RAB44: variants seen among roughly 807,000 people sequenced by gnomAD.
RAB44 encodes RAB44, member RAS oncogene family, also known as ras-related protein Rab-44.
Under a neutral mutation model 93.3 loss-of-function variants are expected in RAB44, and 67 were observed. The ratio of observed to expected loss-of-function variants is 0.72; its 90% confidence interval spans 0.59 to 0.88. RAB44 has a LOEUF of 0.88. Ranked by LOEUF, RAB44 falls within the 40% of genes least tolerant of loss-of-function variation. The probability of loss-of-function intolerance (pLI) is 0.00; values close to 1 mark genes in which losing one functional copy is unlikely to be tolerated. For synonymous variants in RAB44, 427 were observed against 520.3 expected (o/e 0.82, Z 2.44); for missense variants, 1,064 against 1,261.7 (o/e 0.84, Z 2.37).
Position 36,722,094 on chromosome 6 carries a change from G to A in RAB44, c.1960G>A (p.Gly654Ser). ...GLPEGLREAH[G>S]QVLGLGELSA... ...TCCTGAGGGGCTAAGAGAAGCTCAT[G>A]GCCAGGTCCTTGGGCTGGGTGAGCT... Residue 654 changes from glycine (G) to serine (S), a missense_variant, in exon 9 of 14, where the codon GGC (glycine) becomes AGC (serine). Physicochemically the swap from Gly to Ser is moderately conservative, Grantham distance 56. Transcript: ENST00000612677. 1 of 1,235,552 alleles carries A rather than the reference G, an allele frequency of 8.1e-7. No individual in the cohort carries two copies. The highest frequency in any genetic ancestry group is 1.0e-6 in the Non-Finnish European group (1 of 989,052). 76.5% of individuals were successfully genotyped at this position (1,235,552 alleles called of 1,614,324 possible).
intron 2 of RAB44, among the ~76,000 whole-genome samples, chr6:36,708,371 A>AT (rs1210288255): frequency 6.6e-6 from 1 of 152,164 alleles, no homozygotes; most frequent in Non-Finnish European, 1.5e-5. Flanking sequence ...TTCTGATTTG[A>AT]TTGCTCTTCC....
rs1307048590 is a variant in RAB44 at position 36,721,242 on chromosome 6, T to C, written c.1108T>C (p.Trp370Arg). The change falls in exon 9 of 14, where the codon TGG becomes CGG. Residue 370 changes from tryptophan to arginine, a missense_variant. Physicochemically the swap from Trp to Arg is moderately radical, Grantham distance 101 (BLOSUM62 -3). Coordinates refer to ENST00000612677, the MANE Select transcript of RAB44 (RefSeq NM_001257357.2). ...LPGLFGDNDD[W>R]DQLLSNFGSP... ...TGGGCTATTTGGGGACAACGATGAC[T>C]GGGACCAGCTACTGAGCAACTTTGG... 6.5e-6 allele frequency: 8 copies of C among 1,234,094 alleles called. No individual in the cohort carries two copies. Among genetic ancestry groups the C allele is most frequent in the African/African-American group, 1.6e-5 (1 of 64,396 alleles). The allele number at this position is 1,234,094 out of a possible 1,614,324, so 76.4% of individuals were successfully genotyped here. A position where few individuals can be genotyped will look rare whatever the true frequency, so the allele number is the denominator to read the frequency against.
chr6:36,727,516 G>A, intron 10 of RAB44, 61 bp from the exon 11 acceptor site: 1 of 1,160,556 alleles, frequency 8.6e-7, no homozygotes, highest in South Asian at 1.3e-5. Flanking sequence ...CTCCCACTTT[G>A]CAGAGGCCAG....
intron 2 of RAB44, among the ~76,000 whole-genome samples, chr6:36,712,704 AAAC>A (rs1762817158): frequency 6.6e-6 from 1 of 152,214 alleles, no homozygotes. Context: ...ATAGAAAAAC[AAAC>A]AACAACAGCA....
chr6:36,698,730 G>A (rs1193741893), intron 1 of RAB44, among the ~76,000 whole-genome samples: 4 of 152,052 alleles, frequency 2.6e-5, no homozygotes, highest in African/African-American at 4.8e-5. Context: ...CAGCTGACTC[G>A]GAGGGATGTG....
In RAB44 at chr6:36,718,126, C is replaced by T; in HGVS notation, c.732+8C>T. ...CAGCAGCTGCAGGCTGAGGTGGGCT[C>T]CCGCCGGCAGCCTGCCTCCTTCCCA... On this transcript the variant is annotated splice_region_variant and intron_variant, in intron 6 of 13. Coordinates refer to ENST00000612677, the MANE Select transcript of RAB44 (RefSeq NM_001257357.2). 8.1e-7 allele frequency: 1 copy of T among 1,231,450 alleles called. No individual in the cohort carries two copies. Among genetic ancestry groups the T allele is most frequent in the Non-Finnish European group, 1.0e-6 (1 of 987,336 alleles). The allele number at this position is 1,231,450 out of a possible 1,614,324, so 76.3% of individuals were successfully genotyped here.
rs139745480 is a variant in RAB44 at position 36,726,980 on chromosome 6, T to C, written c.2682-597T>C. 5.4e-3 allele frequency among the ~76,000 whole-genome samples: 811 copies of C among 151,032 alleles called. 9 individuals carry two copies. The highest frequency in any genetic ancestry group is 0.048 in the Middle Eastern group (14 of 294). On this transcript the variant is annotated intron_variant, in intron 10 of 13. Transcript: ENST00000612677. ...CACATCCAGCTAATTTTTGTATTTT[T>C]AGTAGACACAGGGTTTCACCATGTT...
At chr6:36,728,133 G>T (rs1763281182) in intron 11 of RAB44, among the ~76,000 whole-genome samples, 1 of 152,182 alleles carries the variant, frequency 6.6e-6, no homozygotes, top group Non-Finnish European at 1.5e-5. Context: ...CTCTCTGGAA[G>T]TTTCTAGTTT....
At chr6:36,723,836 C>CAAAAAAAA (rs565860026) in intron 9 of RAB44, among the ~76,000 whole-genome samples, 13 of 64,610 alleles carry the variant, frequency 2.0e-4, no homozygotes, top group South Asian at 7.3e-4. Flanking sequence ...TTCCGTCTCC[C>CAAAAAAAA]AAAAAAAAAA....
rs375989611 is a variant in RAB44 at position 36,728,915 on chromosome 6, T to TCCTGCC, written c.2898+123_2898+128dup. ...CAGCCGAGAAGAACCCGTGGCCCAT[T>TCCTGCC]CCTGCCCCTGCCCCAACCAAAGGCC... On this transcript the variant is annotated intron_variant, in intron 12 of 13. Coordinates refer to ENST00000612677, the MANE Select transcript of RAB44 (RefSeq NM_001257357.2). 3.9e-5 allele frequency: 32 copies of TCCTGCC among 829,612 alleles called. No individual in the cohort carries two copies. The African/African-American group carries it at 4.2e-4, about 11-fold the overall frequency. The allele number at this position is 829,612 out of a possible 1,614,324, so 51.4% of individuals were successfully genotyped here.
Position 36,728,732 on chromosome 6 carries a change from C to T in RAB44, c.2829C>T (p.Leu943=), listed in dbSNP as rs1763294423. Residue 943 remains leucine, a synonymous_variant, in exon 12 of 14, where the codon CTC becomes CTT. Transcript: ENST00000612677. The part of the protein sequence containing the change: ...DAGSDGVVIL[L]LGNKMDCEEE... ...GGTCGGATGGGGTGGTCATCCTTCT[C>T]CTGGGAAACAAGATGGACTGTGAGG... The T allele has an allele frequency of 1.3e-6, 2 of 1,550,602 alleles. No individual in the cohort carries two copies. The highest frequency in any genetic ancestry group is 8.7e-7 in the Non-Finnish European group (1 of 1,146,990).
intron 2 of RAB44, among the ~76,000 whole-genome samples, chr6:36,713,042 C>T (rs1762826095): frequency 6.6e-6 from 1 of 152,354 alleles, no homozygotes; most frequent in South Asian, 2.1e-4. Context: ...CTTGTGCAGC[C>T]ACGCAGGCTG....
At position 36,721,852 on chromosome 6, in the gene RAB44, C is replaced by T; in HGVS notation, c.1718C>T (p.Ala573Val). 8.1e-7 allele frequency: 1 copy of T among 1,234,998 alleles called. No homozygotes were observed. Among genetic ancestry groups the T allele is most frequent in the South Asian group, 4.1e-5 (1 of 24,424 alleles). The allele number at this position is 1,234,998 out of a possible 1,614,324, so 76.5% of individuals were successfully genotyped here. A position where few individuals can be genotyped will look rare whatever the true frequency, so the allele number is the denominator to read the frequency against. Residue 573 changes from alanine (A) to valine (V), a missense_variant, in exon 9 of 14, where the codon GCC becomes GTC. Coordinates refer to ENST00000612677, the MANE Select transcript of RAB44 (RefSeq NM_001257357.2). Reference sequence around the variant, plus strand: ...CAGCCCGGACCCTCACCCACAACTGCCCTCACAGGAGTGGGCCCAGCCAAG... The same window carrying T: ...CAGCCCGGACCCTCACCCACAACTGTCCTCACAGGAGTGGGCCCAGCCAAG... The part of the protein sequence containing the change: ...ETQPGPSPTT[A>V]LTGVGPAKPP...
chr6:36,721,824 ACC>A lies in RAB44; in HGVS notation c.1692_1693del (p.Gln565AlafsTer34). On this transcript the variant is annotated frameshift_variant, in exon 9 of 14. Transcript: ENST00000612677. LOFTEE classifies it high-confidence loss of function. ...QTPPTMTERE[T>X]QPGPSPTTAL... Reference sequence around the variant, plus strand: ...CCCTCCCACCATGACTGAGCGGGAAACCCAGCCCGGACCCTCACCCACAACTG... The same window carrying A: ...CCCTCCCACCATGACTGAGCGGGAAACAGCCCGGACCCTCACCCACAACTG... 1 of 1,234,106 alleles carries A rather than the reference ACC, an allele frequency of 8.1e-7. No individual in the cohort carries two copies. The highest frequency in any genetic ancestry group is 1.0e-6 in the Non-Finnish European group (1 of 988,302). The allele number at this position is 1,234,106 out of a possible 1,614,324, so 76.4% of individuals were successfully genotyped here. A position where few individuals can be genotyped will look rare whatever the true frequency, so the allele number is the denominator to read the frequency against.
At chr6:36,702,120 C>A (rs1473026440) in intron 1 of RAB44, among the ~76,000 whole-genome samples, 1 of 152,034 alleles carries the variant, frequency 6.6e-6, no homozygotes, top group Non-Finnish European at 1.5e-5. Flanking sequence ...TGATTCATGG[C>A]ATTTGCTGAT....
chr6:36,724,487 T>A (rs236473), intron 9 of RAB44, among the ~76,000 whole-genome samples: 82,715 of 152,068 alleles, frequency 0.54, 23,360 homozygotes, highest in Middle Eastern at 0.64. Flanking sequence ...CCTAAGCTAC[T>A]GTTTACTGAC....
intron 2 of RAB44, among the ~76,000 whole-genome samples, chr6:36,710,212 C>T (rs892295242): frequency 1.6e-4 from 25 of 152,210 alleles, no homozygotes; most frequent in Admixed American, 1.6e-3. Flanking sequence ...ATACTTCCCT[C>T]TCCCCAACCC....
chr6:36,720,196 G>GCTA (rs1763035933), intron 7 of RAB44, among the ~76,000 whole-genome samples, 167 bp from the exon 8 acceptor site: 1 of 152,152 alleles, frequency 6.6e-6, no homozygotes, highest in African/African-American at 2.4e-5. Flanking sequence ...AGCTAATGGA[G>GCTA]CTAGTTAGGC....
intron 12 of RAB44, among the ~76,000 whole-genome samples, chr6:36,730,062 A>G (rs1480979177): frequency 6.6e-6 from 1 of 152,224 alleles, no homozygotes; most frequent in East Asian, 1.9e-4. Context: ...GTGTGGGGGA[A>G]ATGCTTACAA....
Sources: gnomAD v4.1 joint callset for allele counts (sites outside exome capture counted in the v4.1 genomes callset) on GRCh38, gnomAD v4.1.1 for gene constraint, MANE v1.5 for transcripts, NCBI Gene and HGNC (gene_info 2026-07-23, HGNC 2026-07-21) for gene names.